Variants in POFUT3 observed in about 807,000 individuals in gnomAD.
POFUT3 encodes the protein protein O-fucosyltransferase 3, also known as GDP-fucose protein O-fucosyltransferase 3.
the POFUT3 span, among the ~76,000 whole-genome samples, chr8:33,353,598 T>C: frequency 6.6e-6 from 1 of 152,196 alleles, no homozygotes; most frequent in Admixed American, 6.5e-5. Context: ...GCTAAAGGAT[T>C]GTGCAACTTC....
At chr8:33,401,915 C>A in the POFUT3 span, among the ~76,000 whole-genome samples, 5 of 152,000 alleles carry the variant, frequency 3.3e-5, no homozygotes, top group African/African-American at 9.7e-5. Flanking sequence ...GTAGTCCCAG[C>A]TACTCAGAGG....
At chr8:33,452,816 C>A in the POFUT3 span, 1 of 170,652 alleles carries the variant, frequency 5.9e-6, no homozygotes, top group Non-Finnish European at 1.2e-5. Flanking sequence ...TATTTTATGC[C>A]TTAAGCTATG....
the POFUT3 span, among the ~76,000 whole-genome samples, chr8:33,417,446 A>G: frequency 8.5e-5 from 13 of 152,308 alleles, no homozygotes; most frequent in African/African-American, 2.2e-4. Context: ...TGGTGAAACC[A>G]GTCCCTAGTG....
At chr8:33,405,557 A>G in the POFUT3 span, among the ~76,000 whole-genome samples, 2 of 152,248 alleles carry the variant, frequency 1.3e-5, no homozygotes, top group Non-Finnish European at 2.9e-5. Context: ...TATTAAGGAA[A>G]TACTAAAGAA....
At chr8:33,389,270 A>T in the POFUT3 span, 40 of 1,613,940 alleles carry the variant, frequency 2.5e-5, no homozygotes, top group South Asian at 3.8e-4. Context: ...ATATACAGGG[A>T]CTACCCCCAG....
At chr8:33,334,601 A>G in the POFUT3 span, among the ~76,000 whole-genome samples, 12 of 152,344 alleles carry the variant, frequency 7.9e-5, no homozygotes, top group Non-Finnish European at 1.0e-4. Flanking sequence ...GGTAATACCT[A>G]TGATGCTGGT....
chr8:33,456,382 G>C, the POFUT3 span, among the ~76,000 whole-genome samples: 7 of 151,882 alleles, frequency 4.6e-5, no homozygotes, highest in African/African-American at 1.7e-4. Context: ...TTTTGAGACA[G>C]AGTCTCTCTC....
At chr8:33,446,118 G>A in the POFUT3 span, among the ~76,000 whole-genome samples, 292 of 152,224 alleles carry the variant, frequency 1.9e-3, no homozygotes, top group Non-Finnish European at 2.9e-3. Context: ...AAAGACCATG[G>A]CAGCCTTCCA....
the POFUT3 span, among the ~76,000 whole-genome samples, chr8:33,407,174 G>C: frequency 1.3e-5 from 2 of 152,106 alleles, no homozygotes; most frequent in African/African-American, 4.8e-5. Flanking sequence ...TACCCCAAAA[G>C]GAAAGCTGGC....
chr8:33,463,293 C>T, the POFUT3 span, among the ~76,000 whole-genome samples: 1 of 152,050 alleles, frequency 6.6e-6, no homozygotes, highest in South Asian at 2.1e-4. Context: ...TCACTTAAGG[C>T]AAGGAGTTCA....
At chr8:33,372,492 T>A in the POFUT3 span, 3 of 1,496,832 alleles carry the variant, frequency 2.0e-6, no homozygotes, top group Non-Finnish European at 2.7e-6. Flanking sequence ...GTCAACAGAA[T>A]AGCTATTATG....
the POFUT3 span, among the ~76,000 whole-genome samples, chr8:33,472,502 C>A: frequency 1.3e-5 from 2 of 152,170 alleles, no homozygotes; most frequent in Non-Finnish European, 2.9e-5. Context: ...CCCAGGCCTG[C>A]GGTTGCCGGT....
chr8:33,400,194 G>A, the POFUT3 span, among the ~76,000 whole-genome samples: 1 of 148,096 alleles, frequency 6.8e-6, no homozygotes, highest in Admixed American at 6.7e-5. Flanking sequence ...GCTCACGCCT[G>A]TAATCCCAGC....
At chr8:33,434,898 G>A in the POFUT3 span, among the ~76,000 whole-genome samples, 3,375 of 152,256 alleles carry the variant, frequency 0.022, 63 homozygotes, top group Non-Finnish European at 0.034. Context: ...AGGCTGGCTG[G>A]GCACAGGTGC....
chr8:33,424,625 A>G, the POFUT3 span, among the ~76,000 whole-genome samples: 1 of 152,254 alleles, frequency 6.6e-6, no homozygotes, highest in East Asian at 1.9e-4. Context: ...ATCCCTTTCC[A>G]GCTAACTCCC....
the POFUT3 span, among the ~76,000 whole-genome samples, chr8:33,401,885 G>A: frequency 7.2e-5 from 11 of 152,064 alleles, no homozygotes; most frequent in South Asian, 4.2e-4. Flanking sequence ...AAAATAAGCC[G>A]GGTGTGGTGG....
At chr8:33,413,584 C>T in the POFUT3 span, among the ~76,000 whole-genome samples, 3 of 152,122 alleles carry the variant, frequency 2.0e-5, no homozygotes, top group African/African-American at 7.2e-5. Flanking sequence ...CAAAGACACA[C>T]TCATATCTTG....
At chr8:33,434,580 A>G in the POFUT3 span, among the ~76,000 whole-genome samples, 1 of 152,278 alleles carries the variant, frequency 6.6e-6, no homozygotes, top group East Asian at 1.9e-4. Flanking sequence ...CATAAAAGCT[A>G]TTACCTTTTT....
chr8:33,312,126 G>T, the POFUT3 span, among the ~76,000 whole-genome samples: 2 of 152,072 alleles, frequency 1.3e-5, no homozygotes, highest in Non-Finnish European at 2.9e-5. Context: ...GCCAGGCGTG[G>T]TGGCACATAC....
Sources: allele counts gnomAD v4.1 joint callset (sites outside exome capture counted in the v4.1 genomes callset), GRCh38; gene constraint gnomAD v4.1.1; transcripts MANE v1.5; gene names NCBI Gene and HGNC (gene_info 2026-07-23, HGNC 2026-07-21).